Variants in TRIM37 observed in about 807,000 individuals in gnomAD.
TRIM37 encodes E3 ubiquitin-protein ligase TRIM37.
TRIM37 carries 80 observed loss-of-function variants against 129.8 expected under a neutral mutation model. The ratio of observed to expected loss-of-function variants is 0.62; its 90% CI spans 0.51 to 0.74. The LOEUF (loss-of-function observed/expected upper bound fraction) is 0.74, where lower values mean the gene tolerates loss of function less well. Among genes scored for constraint, TRIM37 ranks in the 30% least tolerant of loss-of-function variants. The probability of loss-of-function intolerance (pLI) is 0.00; values close to 1 mark genes in which losing one functional copy is unlikely to be tolerated. For missense variants in TRIM37, 1,054 were observed against 1,176.5 expected, an observed-to-expected ratio of 0.90 and a Z score of 1.52; for synonymous variants, 389 against 387.1, an observed-to-expected ratio of 1.00 and a Z score of -0.06.
At chr17:58,982,230 A>G (rs1318706760), downstream of TRIM37, 6 of 152,598 alleles carry the variant, frequency 3.9e-5, no homozygotes, top group African/African-American at 1.4e-4. Context: ...TTTCATTTCA[A>G]TATTTAGTTA....
intron 24 of TRIM37, among the ~76,000 whole-genome samples, chr17:58,991,709 G>A (rs918500979): frequency 6.6e-6 from 1 of 152,118 alleles, no homozygotes. Context: ...AAAAATGGCT[G>A]GTTAGCTCAG....
chr17:59,106,530 C>A lies in TRIM37; in HGVS notation c.-69G>T. On this transcript the variant is annotated 5_prime_UTR_variant, in exon 1 of 24. Coordinates refer to ENST00000262294, the MANE Select transcript of TRIM37 (RefSeq NM_015294.6). ...GCAGTCTGACCTCTTAGGCGCCGGC[C>A]CGAGGTCGCCAGATCAAATCGCCGA... 1.9e-6 allele frequency: 3 copies of A among 1,594,142 alleles called. No individual in the cohort carries two copies. The highest frequency in any genetic ancestry group is 2.6e-6 in the Non-Finnish European group (3 of 1,166,856).
chr17:59,024,509 A>G (rs2037008265), intron 19 of TRIM37, among the ~76,000 whole-genome samples: 1 of 152,198 alleles, frequency 6.6e-6, no homozygotes, highest in Admixed American at 6.5e-5. Context: ...TTGATGCTGA[A>G]AAGATCTCAA....
intron 17 of TRIM37, among the ~76,000 whole-genome samples, chr17:59,032,656 G>GA (rs1488955695): frequency 6.6e-6 from 1 of 151,692 alleles, no homozygotes; most frequent in African/African-American, 2.4e-5. Context: ...CTGAGCCCTA[G>GA]AAAAAAACAG....
At chr17:59,079,677 C>T in intron 7 of TRIM37, 77 bp downstream of exon 7, 1 of 1,569,656 alleles carries the variant, frequency 6.4e-7, no homozygotes, top group Non-Finnish European at 8.8e-7. Flanking sequence ...CTAGGATGAT[C>T]ACCCTTATTC....
intron 3 of TRIM37, among the ~76,000 whole-genome samples, chr17:59,089,468 C>T (rs2044086247): frequency 6.6e-6 from 1 of 152,032 alleles, no homozygotes; most frequent in African/African-American, 2.4e-5. Flanking sequence ...TGGTGAAACG[C>T]TGTCTCTACT....
At chr17:59,029,272 A>T (rs1411477695) in intron 18 of TRIM37, among the ~76,000 whole-genome samples, 1 of 152,196 alleles carries the variant, frequency 6.6e-6, no homozygotes, top group Non-Finnish European at 1.5e-5. Flanking sequence ...TACAAAAAAA[A>T]ATTTTTTTAT....
chr17:59,073,544 C>A (rs1219322967), intron 8 of TRIM37, among the ~76,000 whole-genome samples: 1 of 152,150 alleles, frequency 6.6e-6, no homozygotes, highest in African/African-American at 2.4e-5. Context: ...CCCACCTTGG[C>A]CTCTGAAAGT....
intron 7 of TRIM37, among the ~76,000 whole-genome samples, chr17:59,076,343 C>T (rs1042880336): frequency 2.6e-5 from 4 of 152,214 alleles, no homozygotes; most frequent in Non-Finnish European, 5.9e-5. Flanking sequence ...GTATTTGAGA[C>T]CAGCCTAGGC....
At chr17:59,057,914 A>G (rs1297063411) in intron 12 of TRIM37, among the ~76,000 whole-genome samples, 2 of 152,182 alleles carry the variant, frequency 1.3e-5, no homozygotes, top group African/African-American at 4.8e-5. Flanking sequence ...TATCAGGTAT[A>G]AAACAACACC....
rs551959049 is a variant in TRIM37 at position 59,013,361 on chromosome 17, T to C, written c.2577-915A>G. On this transcript the variant is annotated intron_variant, in intron 21 of 23. Transcript: ENST00000262294. ...CAGTGTTTCACCATGATGGCCAGGC[T>C]GGCTCGAACTCCTGATCTCAAGTGA... 3.3e-5 allele frequency among the ~76,000 whole-genome samples: 5 copies of C among 152,268 alleles called. No homozygotes were observed. In the South Asian group the frequency reaches 1.0e-3, roughly 32 times the overall value.
chr17:58,980,833 T>C (rs747100397), downstream of TRIM37: 1 of 1,614,160 alleles, frequency 6.2e-7, no homozygotes, highest in South Asian at 1.1e-5. The surrounding 1 kb of genome is among the most constrained non-coding windows in gnomAD (Gnocchi z 4.7). Flanking sequence ...TTTATTCATT[T>C]CTCTCTGCTC....
At chr17:59,062,449 C>T in intron 11 of TRIM37, 118 bp downstream of exon 11, 1 of 796,856 alleles carries the variant, frequency 1.3e-6, no homozygotes, top group Non-Finnish European at 2.1e-6. Flanking sequence ...GGAATGCGGA[C>T]AGCATATGTA....
At chr17:59,036,447 G>GGTATGT (rs1555656624) in intron 17 of TRIM37, among the ~76,000 whole-genome samples, 1 of 140,582 alleles carries the variant, frequency 7.1e-6, no homozygotes, top group Non-Finnish European at 1.5e-5. Flanking sequence ...ATTTGCTGGG[G>GGTATGT]GTGTGTGTGT....
chr17:59,020,188 G>A (rs566186507), intron 19 of TRIM37, among the ~76,000 whole-genome samples: 1 of 115,366 alleles, frequency 8.7e-6, no homozygotes, highest in East Asian at 3.0e-4. Flanking sequence ...CCAAGATCAC[G>A]CCACTGCACT....
At chr17:59,097,916 T>G (rs2045063830) in intron 2 of TRIM37, among the ~76,000 whole-genome samples, 1 of 152,140 alleles carries the variant, frequency 6.6e-6, no homozygotes, top group Non-Finnish European at 1.5e-5. Context: ...CTACTAAAAC[T>G]CCAATGGTAC....
At chr17:59,045,909 G>A (rs560773540) in intron 16 of TRIM37, among the ~76,000 whole-genome samples, 1 of 151,990 alleles carries the variant, frequency 6.6e-6, no homozygotes, top group African/African-American at 2.4e-5. Context: ...CTTGCTACTC[G>A]GGAGGCTGAG....
At chr17:59,042,881 G>A (rs1338385597) in intron 16 of TRIM37, among the ~76,000 whole-genome samples, 1 of 152,008 alleles carries the variant, frequency 6.6e-6, no homozygotes, top group Non-Finnish European at 1.5e-5. Flanking sequence ...ACTATTAGAA[G>A]AGATTAATCT....
At position 59,070,866 on chromosome 17, in the gene TRIM37, T is replaced by C. The variant is rs1241832816; in HGVS notation, c.766A>G (p.Met256Val). ...MMFQQVHRKP[M>V]ASFVTTPVPP... is the part of the protein sequence containing the mutation. Reference sequence around the variant, plus strand: ...ACAGGAGTGGTAACAAAAGATGCCATGGGCTTCCGATGAACTTGCTGAAAC... The same window carrying C: ...ACAGGAGTGGTAACAAAAGATGCCACGGGCTTCCGATGAACTTGCTGAAAC... The change falls in exon 9 of 24, where the codon ATG becomes GTG. Residue 256 changes from methionine to valine, a missense_variant. Coordinates refer to ENST00000262294, the MANE Select transcript of TRIM37 (RefSeq NM_015294.6). The C allele has an allele frequency of 6.2e-6, 10 of 1,614,062 alleles. No homozygotes were observed. Among genetic ancestry groups the C allele is most frequent in the East Asian group, 2.2e-5 (1 of 44,868 alleles).
Sources: allele counts gnomAD v4.1 joint callset (sites outside exome capture counted in the v4.1 genomes callset), GRCh38; gene constraint gnomAD v4.1.1; non-coding constraint Gnocchi (gnomAD v3.1); transcripts MANE v1.5; gene names NCBI Gene and HGNC (gene_info 2026-07-23, HGNC 2026-07-21).